FAM13B: variants seen among roughly 807,000 people sequenced by gnomAD.
FAM13B encodes the protein family with sequence similarity 13 member B, also known as protein FAM13B.
FAM13B carries 60 observed loss-of-function variants against 117.3 expected under a neutral mutation model. The ratio of observed to expected loss-of-function variants is 0.51; its 90% confidence interval spans 0.42 to 0.63. The LOEUF is 0.63. Ranked by LOEUF, FAM13B falls within the 30% of genes least tolerant of loss-of-function variation. FAM13B has a pLI of 0.00. For synonymous variants in FAM13B, 332 were observed against 356.1 expected, an observed-to-expected ratio of 0.93 and a Z score of 0.76; for missense variants, 972 against 1,091.9, an observed-to-expected ratio of 0.89 and a Z score of 1.55.
chr5:137,942,696 T>C, intron 22 of FAM13B, 179 bp downstream of exon 22: 1 of 587,756 alleles, frequency 1.7e-6, no homozygotes, highest in East Asian at 3.1e-5. Context: ...TACAGTAATG[T>C]TTTATTTAAA....
Position 138,021,111 on chromosome 5 carries a change from T to C in FAM13B, c.-116A>G. On this transcript the variant is annotated 5_prime_UTR_variant, in exon 2 of 24. In the 5' UTR this introduces an upstream ATG that the reference lacks. Transcript: ENST00000689681. ...ACTGAGCAAGCATTCTTTTGTCATT[T>C]ATGGCTGTTTGAGATTATGGCAGAA... 1.6e-6 allele frequency: 2 copies of C among 1,231,710 alleles called. No homozygotes were observed. The highest frequency in any genetic ancestry group is 2.0e-6 in the Non-Finnish European group (2 of 987,942). 76.3% of individuals were successfully genotyped at this position (1,231,710 alleles called of 1,614,324 possible).
rs1232373488 is a variant in FAM13B, at chr5:137,966,512, G to T, written c.1180-4043C>A. On this transcript the variant is annotated intron_variant, in intron 10 of 23. Coordinates refer to ENST00000689681, the MANE Select transcript of FAM13B (RefSeq NM_001385994.1). ...ATAGAGAGAGAGAGAGAGAGAGAGA[G>T]AGAGAGAGAGAGGGAAAGAGAGAGA... Among the ~76,000 whole-genome samples, 15 of 144,420 alleles carry T rather than the reference G, an allele frequency of 1.0e-4. No individual in the cohort carries two copies. In the East Asian group the frequency reaches 2.8e-3, roughly 27 times the overall value. 94.7% of individuals were successfully genotyped at this position (144,420 alleles called of 152,430 possible). A position where few individuals can be genotyped will look rare whatever the true frequency, so the allele number is the denominator to read the frequency against.
intron 6 of FAM13B, 36 bp from the exon 7 acceptor site, chr5:138,007,183 A>C: frequency 6.8e-7 from 1 of 1,480,072 alleles, no homozygotes; most frequent in Non-Finnish European, 9.1e-7. Context: ...ATTAAAATGT[A>C]ATGAAACCGT....
At chr5:137,982,973 A>G (rs1429648546) in intron 10 of FAM13B, among the ~76,000 whole-genome samples, 1 of 152,110 alleles carries the variant, frequency 6.6e-6, no homozygotes, top group Non-Finnish European at 1.5e-5. Flanking sequence ...TAAAGTTCCA[A>G]AACAGGTCTG....
chr5:138,017,319 G>A lies in FAM13B; in HGVS notation c.370+983C>T, dbSNP rs183174259. Among the ~76,000 whole-genome samples, 39 of 152,028 alleles carry A rather than the reference G, an allele frequency of 2.6e-4. No homozygotes were observed. The East Asian group carries it at 3.3e-3, about 13-fold the overall frequency. On this transcript the variant is annotated intron_variant, in intron 4 of 23. Transcript: ENST00000689681. ...ACAGTTTAAAATTTAAGAAAAAGAC[G>A]GATAAACACTTTCGAAAGAAAATAT... is the stretch of plus-strand genomic sequence containing the variant.
chr5:137,940,019 G>A lies in FAM13B; in HGVS notation c.*206C>T, dbSNP rs183581373. ...GCTAAAGGTGGAGAGGACAGTCTGT[G>A]GTTAATATGGAACATCACTTACGCT... On this transcript the variant is annotated 3_prime_UTR_variant, in exon 24 of 24. Transcript: ENST00000689681. 81 of 1,610,542 alleles carry A rather than the reference G, an allele frequency of 5.0e-5. 1 individual carries two copies. Among genetic ancestry groups the A allele is most frequent in the East Asian group, 4.9e-4 (22 of 44,812 alleles).
chr5:137,971,270 C>G (rs964853876), intron 10 of FAM13B, among the ~76,000 whole-genome samples: 12 of 151,572 alleles, frequency 7.9e-5, no homozygotes, highest in African/African-American at 2.9e-4. Flanking sequence ...TCTCTCAGAC[C>G]ACAGTGCAAT....
intron 1 of FAM13B, among the ~76,000 whole-genome samples, chr5:138,027,052 T>C (rs1293329295): frequency 6.6e-6 from 1 of 152,090 alleles, no homozygotes; most frequent in African/African-American, 2.4e-5. Context: ...GAAGAATTTC[T>C]AGAGCCCAGG....
intron 7 of FAM13B, among the ~76,000 whole-genome samples, chr5:138,003,833 C>T (rs1315994638): frequency 6.6e-6 from 1 of 152,188 alleles, no homozygotes; most frequent in Non-Finnish European, 1.5e-5. Context: ...TATTACATGC[C>T]TCTGTGTTTC....
rs1216970351 is a variant in FAM13B at position 137,939,823 on chromosome 5, G to T, written c.*402C>A. 2.4e-6 allele frequency: 3 copies of T among 1,257,576 alleles called. No individual in the cohort carries two copies. Among genetic ancestry groups the T allele is most frequent in the African/African-American group, 3.1e-5 (2 of 64,772 alleles). The allele number at this position is 1,257,576 out of a possible 1,614,324, so 77.9% of individuals were successfully genotyped here. On this transcript the variant is annotated 3_prime_UTR_variant, in exon 24 of 24. Coordinates refer to ENST00000689681, the MANE Select transcript of FAM13B (RefSeq NM_001385994.1). ...ATTCTGTAAGAAAAAGGCAACAGAA[G>T]AATTCAGTATGAAGATTTTCCTCCA...
chr5:138,027,503 C>T (rs1788739700), intron 1 of FAM13B, among the ~76,000 whole-genome samples: 1 of 152,180 alleles, frequency 6.6e-6, no homozygotes, highest in Admixed American at 6.6e-5. Context: ...AAATAATTCA[C>T]TGAAGCAAAA....
At chr5:138,012,716 G>A (rs1784351317) in intron 4 of FAM13B, among the ~76,000 whole-genome samples, 1 of 152,130 alleles carries the variant, frequency 6.6e-6, no homozygotes, top group African/African-American at 2.4e-5. Context: ...GAAATGAAGT[G>A]ATTTATTGTG....
At position 137,974,375 on chromosome 5, in the gene FAM13B, C is replaced by T. The variant is rs1395762724; in HGVS notation, c.1179+10882G>A. On this transcript the variant is annotated intron_variant, in intron 10 of 23. Coordinates refer to ENST00000689681, the MANE Select transcript of FAM13B (RefSeq NM_001385994.1). Reference sequence around the variant, plus strand: ...ATCGCAAGAACAAAAAACCAAACACCGCATATTCTCACTCATAGGTGGGAA... The same window carrying T: ...ATCGCAAGAACAAAAAACCAAACACTGCATATTCTCACTCATAGGTGGGAA... 5.5e-5 allele frequency among the ~76,000 whole-genome samples: 8 copies of T among 145,348 alleles called. No homozygotes were observed. In the East Asian group the frequency reaches 8.1e-4, roughly 15 times the overall value.
intron 15 of FAM13B, 127 bp from the exon 16 acceptor site, chr5:137,953,592 A>G (rs1192321604): frequency 2.2e-6 from 2 of 892,772 alleles, no homozygotes; most frequent in Admixed American, 4.7e-5. Context: ...CTAACACTAA[A>G]GGACAGGTAG....
At chr5:137,976,557 C>G (rs1774068382) in intron 10 of FAM13B, among the ~76,000 whole-genome samples, 1 of 152,198 alleles carries the variant, frequency 6.6e-6, no homozygotes, top group Admixed American at 6.5e-5. Context: ...TGCAGGAAGT[C>G]AGGGACCCCG....
In FAM13B at chr5:137,994,742, A is replaced by G. The variant is rs79631990; in HGVS notation, c.849-6427T>C. 4.9e-3 allele frequency among the ~76,000 whole-genome samples: 754 copies of G among 152,338 alleles called. 2 individuals are homozygous for G. The highest frequency in any genetic ancestry group is 0.017 in the African/African-American group (723 of 41,580). ...ATATATATTTTAAAGTCATCAGTCAAGCACAACATTGAAGACTATAGTCAT... is the reference window on the plus strand; with the variant it reads ...ATATATATTTTAAAGTCATCAGTCAGGCACAACATTGAAGACTATAGTCAT... On this transcript the variant is annotated intron_variant, in intron 7 of 23. Transcript: ENST00000689681.
intron 16 of FAM13B, among the ~76,000 whole-genome samples, chr5:137,953,028 T>C (rs1765473454): frequency 1.3e-5 from 2 of 152,340 alleles, no homozygotes; most frequent in South Asian, 2.1e-4. Context: ...CACTTGGTAC[T>C]TGTAGTTTTT....
intron 1 of FAM13B, among the ~76,000 whole-genome samples, chr5:138,049,334 C>T (rs1165272937): frequency 7.2e-5 from 11 of 151,780 alleles, no homozygotes; most frequent in Admixed American, 6.6e-4. Context: ...AATACAATGG[C>T]GTGATCTCGG....
In FAM13B at chr5:137,975,980, C is replaced by CTT. The variant is rs57478594; in HGVS notation, c.1179+9275_1179+9276dup. ...CCACAACCAGACTGCTCAACTCTTC[C>CTT]TTTTTTTTTTTTTTTGAGACAGTCT... On this transcript the variant is annotated intron_variant, in intron 10 of 23. Transcript: ENST00000689681. 1.2e-4 allele frequency among the ~76,000 whole-genome samples: 13 copies of CTT among 110,188 alleles called. 1 individual carries two copies. The highest frequency in any genetic ancestry group is 4.6e-4 in the East Asian group (2 of 4,366). The allele number at this position is 110,188 out of a possible 152,430, so 72.3% of individuals were successfully genotyped here.
Sources: allele counts gnomAD v4.1 joint callset (sites outside exome capture counted in the v4.1 genomes callset), GRCh38; gene constraint gnomAD v4.1.1; transcripts MANE v1.5; gene names NCBI Gene and HGNC (gene_info 2026-07-23, HGNC 2026-07-21).